PTPRG: variants seen among roughly 807,000 people sequenced by gnomAD.
The protein encoded by PTPRG is receptor-type tyrosine-protein phosphatase gamma.
Under a neutral mutation model 165.3 loss-of-function variants are expected in PTPRG, and 102 were observed. That is an observed-to-expected ratio of 0.62 (90% CI 0.53 to 0.73). The LOEUF is 0.73. Among genes scored for constraint, PTPRG ranks in the 30% least tolerant of loss-of-function variants. The pLI is 0.00. For synonymous variants in PTPRG, 675 were observed against 669.5 expected, an observed-to-expected ratio of 1.01 and a Z score of -0.13; for missense variants, 1,866 against 1,861.4, an observed-to-expected ratio of 1.00 and a Z score of -0.05.
intron 1 of PTPRG, among the ~76,000 whole-genome samples, chr3:61,655,018 C>T (rs1354888511): frequency 6.6e-6 from 1 of 151,880 alleles, no homozygotes; most frequent in Non-Finnish European, 1.5e-5. Flanking sequence ...AACTCCTGAC[C>T]TCAGGTGATC....
At chr3:61,743,200 A>C (rs536981797) in intron 1 of PTPRG, 194 of 716,648 alleles carry the variant, frequency 2.7e-4, no homozygotes, top group Middle Eastern at 1.8e-3. Context: ...GCTCAGTAGA[A>C]GTTCTGAGAA....
chr3:61,795,540 C>T (rs764824236), intron 2 of PTPRG, among the ~76,000 whole-genome samples: 18 of 145,986 alleles, frequency 1.2e-4, no homozygotes, highest in South Asian at 2.2e-4. Flanking sequence ...TTGAGGAGGC[C>T]GAGACAGGAG....
At chr3:62,081,118 G>C (rs566396285) in intron 5 of PTPRG, among the ~76,000 whole-genome samples, 1 of 151,728 alleles carries the variant, frequency 6.6e-6, no homozygotes, top group African/African-American at 2.4e-5. Context: ...TTAGCCGGGC[G>C]TGGTGGCGGG....
At chr3:62,060,713 C>T (rs1344974834) in intron 4 of PTPRG, among the ~76,000 whole-genome samples, 1 of 152,192 alleles carries the variant, frequency 6.6e-6, no homozygotes, top group Non-Finnish European at 1.5e-5. Flanking sequence ...AATCTTTAAA[C>T]AATACTGAAG....
chr3:61,602,928 G>C (rs1700908801), intron 1 of PTPRG, among the ~76,000 whole-genome samples: 1 of 152,176 alleles, frequency 6.6e-6, no homozygotes, highest in African/African-American at 2.4e-5. Flanking sequence ...ACTTCCTAAT[G>C]ATTTTCCTGC....
intron 2 of PTPRG, among the ~76,000 whole-genome samples, chr3:61,855,086 T>C (rs1157823453): frequency 1.3e-5 from 2 of 152,222 alleles, no homozygotes; most frequent in Admixed American, 6.5e-5. Context: ...GTGGTTCTCT[T>C]GTTTGACAAC....
At chr3:61,919,693 C>A (rs147716550) in intron 2 of PTPRG, among the ~76,000 whole-genome samples, 1 of 152,066 alleles carries the variant, frequency 6.6e-6, no homozygotes, top group East Asian at 1.9e-4. Flanking sequence ...TCATGTACCT[C>A]CTCTAAAGGA....
chr3:62,296,416 A>T lies in PTPRG; in HGVS notation c.*3109A>T, dbSNP rs1393804804. 6.6e-6 allele frequency: 1 copy of T among 151,968 alleles called. No homozygotes were observed. Among genetic ancestry groups the T allele is most frequent in the Admixed American group, 6.6e-5 (1 of 15,222 alleles). 9.4% of individuals were successfully genotyped at this position (151,968 alleles called of 1,614,324 possible). On this transcript the variant is annotated 3_prime_UTR_variant, in exon 30 of 30. Coordinates refer to ENST00000474889, the MANE Select transcript of PTPRG (RefSeq NM_002841.4). ...CTGCCTTGTTATGAATTTTTCTTAA[A>T]TGCATATATACTGTATTTAAAATTA...
At chr3:62,043,587 G>C (rs1178075130) in intron 4 of PTPRG, among the ~76,000 whole-genome samples, 4 of 152,154 alleles carry the variant, frequency 2.6e-5, no homozygotes, top group Non-Finnish European at 5.9e-5. Context: ...GGTCTCTTTT[G>C]GCTCTTTGTT....
At chr3:62,166,423 G>A (rs1704987659) in intron 7 of PTPRG, among the ~76,000 whole-genome samples, 6 of 150,414 alleles carry the variant, frequency 4.0e-5, no homozygotes, top group African/African-American at 7.3e-5. Flanking sequence ...TGCAGCCTCC[G>A]CCTCCCAGGT....
At chr3:61,565,558 G>C (rs1699891162) in intron 1 of PTPRG, among the ~76,000 whole-genome samples, 2 of 151,754 alleles carry the variant, frequency 1.3e-5, no homozygotes. Context: ...TATAAAATAT[G>C]TTACTTCAGA....
intron 27 of PTPRG, among the ~76,000 whole-genome samples, chr3:62,282,251 G>C (rs774663712): frequency 3.3e-5 from 5 of 151,906 alleles, no homozygotes; most frequent in Non-Finnish European, 7.4e-5. Flanking sequence ...CTACTTGGTT[G>C]TTTGTTTTGA....
At chr3:62,111,212 A>T (rs966244073) in intron 5 of PTPRG, among the ~76,000 whole-genome samples, 2 of 152,234 alleles carry the variant, frequency 1.3e-5, no homozygotes, top group Admixed American at 6.5e-5. Flanking sequence ...AAGTTAAGTC[A>T]AATCAACAGG....
At chr3:62,029,077 C>T (rs557137347) in intron 4 of PTPRG, among the ~76,000 whole-genome samples, 81 of 152,186 alleles carry the variant, frequency 5.3e-4, no homozygotes, top group African/African-American at 1.7e-3. Context: ...ATCCTGTTTC[C>T]GGAAAATGGG....
chr3:61,797,640 A>G (rs2035094316), intron 2 of PTPRG, among the ~76,000 whole-genome samples: 1 of 119,976 alleles, frequency 8.3e-6, no homozygotes, highest in Non-Finnish European at 1.6e-5. Flanking sequence ...TTGGTTTTTC[A>G]GGTATGAAAC....
chr3:62,072,992 C>T (rs1404707500), intron 4 of PTPRG, among the ~76,000 whole-genome samples: 2 of 152,038 alleles, frequency 1.3e-5, no homozygotes, highest in Non-Finnish European at 2.9e-5. Context: ...AATAGGAGAA[C>T]GTGGCAGAGT....
intron 2 of PTPRG, among the ~76,000 whole-genome samples, chr3:61,818,253 A>G (rs905941050): frequency 3.9e-5 from 6 of 152,204 alleles, no homozygotes; most frequent in Non-Finnish European, 8.8e-5. Flanking sequence ...TATACCTGAT[A>G]TTTTAAAATA....
intron 4 of PTPRG, among the ~76,000 whole-genome samples, chr3:62,059,495 G>A (rs756389645): frequency 4.2e-4 from 64 of 152,180 alleles, no homozygotes; most frequent in Non-Finnish European, 7.6e-4. Flanking sequence ...GTTTTAAAGC[G>A]TCATAGAATC....
intron 2 of PTPRG, among the ~76,000 whole-genome samples, chr3:61,878,520 G>A (rs1412601272): frequency 6.6e-6 from 1 of 152,130 alleles, no homozygotes; most frequent in Non-Finnish European, 1.5e-5. Flanking sequence ...GACAGGTAGG[G>A]TATCGCTCTG....
Sources: allele counts gnomAD v4.1 joint callset (sites outside exome capture counted in the v4.1 genomes callset), GRCh38; gene constraint gnomAD v4.1.1; transcripts MANE v1.5; gene names NCBI Gene and HGNC (gene_info 2026-07-23, HGNC 2026-07-21).